Variants in GPATCH1 observed in about 807,000 individuals in gnomAD.
GPATCH1 encodes G patch domain-containing protein 1.
In GPATCH1, 73 loss-of-function variants were observed where a neutral mutation model predicts 114.9. The ratio of observed to expected loss-of-function variants is 0.64; its 90% CI spans 0.53 to 0.77. GPATCH1 has a LOEUF of 0.77. GPATCH1 is among the 30% of genes least tolerant of loss of function. The pLI is 0.00. For missense variants in GPATCH1, 1,058 were observed against 1,144.3 expected (o/e 0.92, Z 1.09); for synonymous variants, 391 against 428.4 (o/e 0.91, Z 1.08).
At chr19:33,128,599 G>A (rs1253564073) in intron 19 of GPATCH1, among the ~76,000 whole-genome samples, 1 of 152,122 alleles carries the variant, frequency 6.6e-6, no homozygotes, top group African/African-American at 2.4e-5. Flanking sequence ...CTCCTATGTT[G>A]CCCAAACTGG....
chr19:33,101,469 A>T (rs1972725640), intron 8 of GPATCH1, 26 bp from the exon 9 acceptor site: 2 of 1,294,172 alleles, frequency 1.5e-6, no homozygotes, highest in South Asian at 1.2e-5. Context: ...CTACTTCTGG[A>T]ATTAATCTAT....
At chr19:33,108,147 C>T (rs1025196409) in intron 10 of GPATCH1, among the ~76,000 whole-genome samples, 4 of 152,082 alleles carry the variant, frequency 2.6e-5, no homozygotes, top group African/African-American at 4.8e-5. Flanking sequence ...CGTGGCCTCC[C>T]GGGTCTGAGC....
rs983313180 is a variant in GPATCH1, at chr19:33,088,276, T to C, written c.208+8T>C. 3.8e-6 allele frequency: 6 copies of C among 1,588,040 alleles called. No homozygotes were observed. Among genetic ancestry groups the C allele is most frequent in the Admixed American group, 3.6e-5 (2 of 55,480 alleles). On this transcript the variant is annotated splice_region_variant and intron_variant, in intron 2 of 19. Coordinates refer to ENST00000170564, the MANE Select transcript of GPATCH1 (RefSeq NM_018025.3). The stretch of plus-strand genomic sequence containing the variant: ...CTGTTGGCTCAAAAGAAGGTATCAT[T>C]TTCCTAATTGTAGCTATTATACCAT...
Position 33,094,955 on chromosome 19 carries a change from G to C in GPATCH1, c.553+686G>C, listed in dbSNP as rs557796051. Among the ~76,000 whole-genome samples, 22 of 152,212 alleles carry C rather than the reference G, an allele frequency of 1.4e-4. 1 individual carries two copies. Among genetic ancestry groups the C allele is most frequent in the African/African-American group, 5.3e-4 (22 of 41,536 alleles). On this transcript the variant is annotated intron_variant, in intron 5 of 19. Coordinates refer to ENST00000170564, the MANE Select transcript of GPATCH1 (RefSeq NM_018025.3). ...TGAGGTGAGATTATCTTTGAGCCCAGGTGTTTGAGACCAGCCTGGGCAACA... is the reference window on the plus strand; with the variant it reads ...TGAGGTGAGATTATCTTTGAGCCCACGTGTTTGAGACCAGCCTGGGCAACA...
At chr19:33,127,247 G>A (rs928351272) in intron 19 of GPATCH1, among the ~76,000 whole-genome samples, 2 of 151,420 alleles carry the variant, frequency 1.3e-5, no homozygotes, top group African/African-American at 2.4e-5. Context: ...GGCCAGGCGC[G>A]GTGGCTCATG....
At chr19:33,118,855 G>A (rs868611607) in intron 16 of GPATCH1, among the ~76,000 whole-genome samples, 155 bp from the exon 17 acceptor site, 1 of 152,188 alleles carries the variant, frequency 6.6e-6, no homozygotes, top group Non-Finnish European at 1.5e-5. Flanking sequence ...GGGCAGCACC[G>A]GGGTCTGCGT....
chr19:33,109,622 T>C (rs908312475), intron 10 of GPATCH1, 95 bp from the exon 11 acceptor site: 7 of 703,130 alleles, frequency 1.0e-5, no homozygotes, highest in Middle Eastern at 2.6e-4. Flanking sequence ...TCCCCAATTA[T>C]GTAAATTTGT....
Position 33,097,837 on chromosome 19 carries a change from A to G in GPATCH1, c.935A>G (p.Lys312Arg). The change falls in exon 8 of 20, where the codon AAG becomes AGG. Residue 312 changes from lysine (K) to arginine (R), a missense_variant. This residue lies in a region of GPATCH1 where 893 missense variants were observed against 977.4 expected (regional missense o/e 0.91). Transcript: ENST00000170564. Reference protein sequence around the residue: ...ETLSKYDTVLKDEEPGDGLYG... With the variant: ...ETLSKYDTVLRDEEPGDGLYG... ...CTATCCAAGTATGACACTGTTCTGA[A>G]GGACGAGGAGCCTGGAGACGGACTC... The G allele has an allele frequency of 6.2e-7, 1 of 1,614,030 alleles. No homozygotes were observed. Among genetic ancestry groups the G allele is most frequent in the Non-Finnish European group, 8.5e-7 (1 of 1,179,928 alleles).
At chr19:33,118,176 ATTTTT>A (rs35859593) in intron 16 of GPATCH1, 135 bp downstream of exon 16, 49 of 277,512 alleles carry the variant, frequency 1.8e-4, no homozygotes, top group South Asian at 2.6e-4. Context: ...TATGTATATA[ATTTTT>A]TTTTTTTTTT....
At chr19:33,128,648 C>G (rs993990000) in intron 19 of GPATCH1, among the ~76,000 whole-genome samples, 2 of 152,336 alleles carry the variant, frequency 1.3e-5, no homozygotes, top group Admixed American at 1.3e-4. Context: ...CCTGCCTCAG[C>G]CTCAGGCGTG....
chr19:33,130,088 T>C (rs3841537), intron 19 of GPATCH1, 42 bp from the exon 20 acceptor site: 1 of 1,357,356 alleles, frequency 7.4e-7, no homozygotes, highest in East Asian at 2.6e-5. Flanking sequence ...TTTTTCACTT[T>C]AGCTAACTTT....
chr19:33,086,710 C>T (rs1972537773), intron 1 of GPATCH1, among the ~76,000 whole-genome samples: 1 of 152,156 alleles, frequency 6.6e-6, no homozygotes, highest in Non-Finnish European at 1.5e-5. Flanking sequence ...CCCGCCTCAG[C>T]CTCTCAAAGT....
chr19:33,118,807 G>A (rs1972944594), intron 16 of GPATCH1, among the ~76,000 whole-genome samples: 1 of 152,200 alleles, frequency 6.6e-6, no homozygotes, highest in African/African-American at 2.4e-5. Flanking sequence ...GGTTGCAGGT[G>A]CCCTCGTGTG....
chr19:33,112,465 A>C, intron 12 of GPATCH1, 21 bp from the exon 13 acceptor site: 1 of 1,613,806 alleles, frequency 6.2e-7, no homozygotes, highest in Non-Finnish European at 8.5e-7. Flanking sequence ...TTGATGGAAC[A>C]GAATGCATGT....
Position 33,081,242 on chromosome 19 carries a change from A to ACCGT in GPATCH1, c.52_53insTCCG (p.Gly18ValfsTer10). 6.4e-7 allele frequency: 1 copy of ACCGT among 1,551,634 alleles called. No individual in the cohort carries two copies. The highest frequency in any genetic ancestry group is 8.7e-7 in the Non-Finnish European group (1 of 1,147,000). On this transcript the variant is annotated frameshift_variant, in exon 1 of 20. Coordinates refer to ENST00000170564, the MANE Select transcript of GPATCH1 (RefSeq NM_018025.3). LOFTEE classifies it high-confidence loss of function. ...CGAAGAAGATCTGGTCAGCTATGGG[A>ACCGT]CCGGGCTGGAGCCTCTGGAAGAAGG...
In GPATCH1 at chr19:33,094,043, A is replaced by G. The variant is rs529184929; in HGVS notation, c.456-129A>G. On this transcript the variant is annotated intron_variant, in intron 4 of 19. Transcript: ENST00000170564. Reference sequence around the variant, plus strand: ...GGAATGGCAGGGTCACGCCAGATGTAATGTGGGTGAGGGCAAGGGCCCAGG... The same window carrying G: ...GGAATGGCAGGGTCACGCCAGATGTGATGTGGGTGAGGGCAAGGGCCCAGG... 1.6e-4 allele frequency: 101 copies of G among 633,722 alleles called. No homozygotes were observed. The African/African-American group carries it at 1.8e-3, about 11-fold the overall frequency. The allele number at this position is 633,722 out of a possible 1,614,324, so 39.3% of individuals were successfully genotyped here.
intron 3 of GPATCH1, among the ~76,000 whole-genome samples, chr19:33,091,277 G>T (rs1972592286): frequency 2.6e-5 from 4 of 151,838 alleles, no homozygotes; most frequent in Admixed American, 2.6e-4. Flanking sequence ...AGCCGGGTGT[G>T]GTGGCGGGTG....
At chr19:33,099,549 G>T (rs753336699) in intron 8 of GPATCH1, among the ~76,000 whole-genome samples, 1 of 151,318 alleles carries the variant, frequency 6.6e-6, no homozygotes, top group South Asian at 2.1e-4. Context: ...TTTTCTATTC[G>T]GTGAATCTAT....
chr19:33,118,748 G>A (rs144843639), intron 16 of GPATCH1, among the ~76,000 whole-genome samples: 56 of 152,246 alleles, frequency 3.7e-4, no homozygotes, highest in African/African-American at 1.2e-3. Flanking sequence ...GCTAGGCTAC[G>A]TGCCCACGGG....
Sources: allele counts gnomAD v4.1 joint callset (sites outside exome capture counted in the v4.1 genomes callset), GRCh38; gene constraint gnomAD v4.1.1; regional missense constraint gnomAD v4.1.1; transcripts MANE v1.5; gene names NCBI Gene and HGNC (gene_info 2026-07-23, HGNC 2026-07-21).